Variants in TUBGCP6 observed in about 807,000 individuals in gnomAD.
TUBGCP6 encodes tubulin gamma complex component 6, also known as gamma-tubulin complex component 6.
Under a neutral mutation model 175.8 loss-of-function variants are expected in TUBGCP6, and 161 were observed. The ratio of observed to expected loss-of-function variants is 0.92; its 90% CI spans 0.81 to 1.04. The LOEUF (loss-of-function observed/expected upper bound fraction) is 1.04. Ranked by LOEUF, TUBGCP6 falls within the 50% of genes least tolerant of loss-of-function variation. The pLI is 0.00. For missense variants in TUBGCP6, 2,572 were observed against 2,433.0 expected (o/e 1.06, Z -1.20); for synonymous variants, 1,173 against 1,030.5 (o/e 1.14, Z -2.65).
rs770880233 is a variant in TUBGCP6 at position 50,220,166 on chromosome 22, T to C, written c.4108+85A>G. ...AAGGAGGCCTGAGGGGAACTTCACA[T>C]GCCACCAACCCCACTGCCCGCCTAC... On this transcript the variant is annotated intron_variant, in intron 16 of 24. Transcript: ENST00000248846. 4.5e-5 allele frequency: 70 copies of C among 1,548,436 alleles called. No individual in the cohort carries two copies. In the East Asian group the frequency reaches 1.6e-3, roughly 35 times the overall value.
At chr22:50,236,753 T>A (rs1417301778) in intron 2 of TUBGCP6, among the ~76,000 whole-genome samples, 2 of 152,152 alleles carry the variant, frequency 1.3e-5, no homozygotes, top group African/African-American at 4.8e-5. Flanking sequence ...CAGGATGAGA[T>A]GAGCATGAGA....
intron 14 of TUBGCP6, 99 bp downstream of exon 14, chr22:50,222,355 C>T: frequency 6.5e-7 from 1 of 1,533,902 alleles, no homozygotes; most frequent in Non-Finnish European, 8.8e-7. Context: ...AGCCACCAGC[C>T]CTCTCCTAGA....
rs765639659 is a variant in TUBGCP6, at chr22:50,244,335, T to C, written c.125A>G (p.Tyr42Cys). Residue 42 changes from tyrosine to cysteine, a missense_variant, in exon 1 of 25, where the codon TAC (tyrosine) becomes TGC (cysteine). Physicochemically the swap from Tyr to Cys is radical, Grantham distance 194. Coordinates refer to ENST00000248846, the MANE Select transcript of TUBGCP6 (RefSeq NM_020461.4). ...RAKRSLKKVA[Y>C]NALFTNLFQD... is the part of the protein sequence containing the mutation. ...AAAAAGATTTGTGAAAAGAGCATTG[T>C]AGGCCACCTTCTTGAGGCTCCGCTT... The C allele has an allele frequency of 1.2e-6, 2 of 1,613,574 alleles. No homozygotes were observed. Among genetic ancestry groups the C allele is most frequent in the Non-Finnish European group, 8.5e-7 (1 of 1,180,032 alleles).
intron 4 of TUBGCP6, among the ~76,000 whole-genome samples, chr22:50,228,523 C>G (rs1456976510): frequency 2.6e-5 from 4 of 152,174 alleles, no homozygotes; most frequent in Admixed American, 2.0e-4. Flanking sequence ...GCAGGTCACA[C>G]TAAGACAGGG....
rs777748338 is a variant in TUBGCP6, at chr22:50,218,253, T to G, written c.5104A>C (p.Thr1702Pro). The change falls in exon 23 of 25, where the codon ACC (threonine) becomes CCC (proline). Residue 1702 changes from threonine (T) to proline (P), a missense_variant. Physicochemically the swap from Thr to Pro is conservative, Grantham distance 38. Coordinates refer to ENST00000248846, the MANE Select transcript of TUBGCP6 (RefSeq NM_020461.4). ...TGGATCTCCTCCAGGTCGCCCACGG[T>G]GGCCAACCTGGCCCTGAACTCGCAC... ...TWCEFRARLA[T>P]VGDLEEIQRA... 1 of 1,613,032 alleles carries G rather than the reference T, an allele frequency of 6.2e-7. No homozygotes were observed. The highest frequency in any genetic ancestry group is 8.5e-7 in the Non-Finnish European group (1 of 1,179,958).
At chr22:50,238,423 G>A (rs1443550837) in intron 2 of TUBGCP6, among the ~76,000 whole-genome samples, 1 of 150,992 alleles carries the variant, frequency 6.6e-6, no homozygotes, top group Non-Finnish European at 1.5e-5. Flanking sequence ...ACTCCAGCCT[G>A]GGCAACAGAA....
chr22:50,228,101 C>G (rs2064639368), intron 4 of TUBGCP6, 73 bp from the exon 5 acceptor site: 1 of 1,447,502 alleles, frequency 6.9e-7, no homozygotes, highest in Non-Finnish European at 9.2e-7. Context: ...TGAGGGGCAC[C>G]AGTGCTGGGA....
intron 7 of TUBGCP6, 84 bp from the exon 8 acceptor site, chr22:50,226,462 C>A: frequency 7.6e-7 from 1 of 1,313,692 alleles, no homozygotes; most frequent in Non-Finnish European, 1.1e-6. Flanking sequence ...GGGACAGGGG[C>A]GTGGCTGTCA....
intron 1 of TUBGCP6, among the ~76,000 whole-genome samples, chr22:50,242,850 G>A (rs1173917442): frequency 1.3e-5 from 2 of 152,176 alleles, no homozygotes; most frequent in Non-Finnish European, 2.9e-5. Flanking sequence ...AGGCAGAGGT[G>A]GCTTAACGAT....
chr22:50,218,565 C>T lies in TUBGCP6; in HGVS notation c.4877G>A (p.Gly1626Asp). Reference sequence around the variant, plus strand: ...CAGCTGCAGCAGGAAGGAGAAGACGCCGCTGTACTTGCTCACGCAGCCCTC... The same window carrying T: ...CAGCTGCAGCAGGAAGGAGAAGACGTCGCTGTACTTGCTCACGCAGCCCTC... The part of the protein sequence containing the change: ...ITEGCVSKYS[G>D]VFSFLLQLKL... The change falls in exon 22 of 25, where the codon GGC becomes GAC. Residue 1626 changes from glycine (G) to aspartate (D), a missense_variant. By Grantham distance (94) the Gly-to-Asp change is moderately conservative. Transcript: ENST00000248846. 6.2e-7 allele frequency: 1 copy of T among 1,613,798 alleles called. No individual in the cohort carries two copies. Among genetic ancestry groups the T allele is most frequent in the Non-Finnish European group, 8.5e-7 (1 of 1,179,978 alleles).
chr22:50,221,960 G>T, intron 15 of TUBGCP6, 68 bp downstream of exon 15: 1 of 1,600,324 alleles, frequency 6.2e-7, no homozygotes, highest in South Asian at 1.1e-5. Context: ...CTGCAGCCAT[G>T]ACCAACACCA....
rs912667390 is a variant in TUBGCP6, at chr22:50,244,141, C to G, written c.319G>C (p.Val107Leu). Reference protein sequence around the residue: ...EAAPCCPLLEVGSVLDLLVQL... With the variant: ...EAAPCCPLLELGSVLDLLVQL... The stretch of plus-strand genomic sequence containing the variant: ...ACCAGGAGGTCCAAAACAGACCCCA[C>G]CTCCAAAAGCGGACAGCAAGGGGCT... The change falls in exon 1 of 25, where the codon GTG becomes CTG. Residue 107 changes from valine to leucine, a missense_variant. Val to Leu is a conservative substitution (Grantham distance 32, BLOSUM62 1). Coordinates refer to ENST00000248846, the MANE Select transcript of TUBGCP6 (RefSeq NM_020461.4). 6.8e-6 allele frequency: 11 copies of G among 1,613,540 alleles called. No homozygotes were observed. The highest frequency in any genetic ancestry group is 9.3e-6 in the Non-Finnish European group (11 of 1,180,050).
At chr22:50,229,904 C>T (rs1260425398) in intron 3 of TUBGCP6, among the ~76,000 whole-genome samples, 1 of 152,208 alleles carries the variant, frequency 6.6e-6, no homozygotes, top group East Asian at 1.9e-4. Context: ...GTGAGACCCG[C>T]TCATTTGACT....
In TUBGCP6 at chr22:50,218,227, C is replaced by G. The variant is rs1569107828; in HGVS notation, c.5130G>C (p.Gln1710His). 6.2e-6 allele frequency: 10 copies of G among 1,612,842 alleles called. No homozygotes were observed. Among genetic ancestry groups the G allele is most frequent in the Non-Finnish European group, 8.5e-6 (10 of 1,179,906 alleles). The change falls in exon 23 of 25, where the codon CAG (glutamine) becomes CAC (histidine). Residue 1710 changes from glutamine to histidine, a missense_variant. Physicochemically the swap from Gln to His is conservative, Grantham distance 24. Coordinates refer to ENST00000248846, the MANE Select transcript of TUBGCP6 (RefSeq NM_020461.4). ...LATVGDLEEI[Q>H]RAHAEYLHKA... The stretch of plus-strand genomic sequence containing the variant: ...TGTGCAGGTACTCTGCGTGCGCACG[C>G]TGGATCTCCTCCAGGTCGCCCACGG...
chr22:50,240,453 C>T, intron 1 of TUBGCP6, 86 bp from the exon 2 acceptor site: 2 of 1,495,816 alleles, frequency 1.3e-6, no homozygotes, highest in South Asian at 1.2e-5. Context: ...GAACTTTATG[C>T]AAAGACCTAA....
At chr22:50,221,953 C>T (rs2064532139) in intron 15 of TUBGCP6, 75 bp downstream of exon 15, 1 of 1,594,088 alleles carries the variant, frequency 6.3e-7, no homozygotes. Flanking sequence ...TTCAGCTCTG[C>T]AGCCATGACC....
chr22:50,232,313 C>T (rs1180178527), intron 3 of TUBGCP6, among the ~76,000 whole-genome samples: 1 of 151,206 alleles, frequency 6.6e-6, no homozygotes, highest in Non-Finnish European at 1.5e-5. Context: ...TTGCAGTGAG[C>T]CGAGACCGTG....
In TUBGCP6 at chr22:50,244,445, C is replaced by A; in HGVS notation, c.15G>T (p.Thr5=). The A allele has an allele frequency of 6.2e-7, 1 of 1,611,522 alleles. No homozygotes were observed. The highest frequency in any genetic ancestry group is 8.5e-7 in the Non-Finnish European group (1 of 1,179,324). ...CCTCACACAGGTCGTCGAACAGCTG[C>A]GTGATGCTGGCCATGCCCCTTCTCA... is the stretch of plus-strand genomic sequence containing the variant. The part of the protein sequence containing the change: MASI[T]QLFDDLCEAL... Residue 5 remains threonine (T), a synonymous_variant, in exon 1 of 25, where the codon ACG becomes ACT. Transcript: ENST00000248846.
chr22:50,222,649 T>A, intron 13 of TUBGCP6, 57 bp from the exon 14 acceptor site: 1 of 1,594,160 alleles, frequency 6.3e-7, no homozygotes, highest in South Asian at 1.1e-5. Flanking sequence ...CCCATCTACC[T>A]GGCACCCCTC....
Sources: allele counts gnomAD v4.1 joint callset (sites outside exome capture counted in the v4.1 genomes callset), GRCh38; gene constraint gnomAD v4.1.1; transcripts MANE v1.5; gene names NCBI Gene and HGNC (gene_info 2026-07-23, HGNC 2026-07-21).